Variants in CALD1 observed in about 807,000 individuals in gnomAD.
CALD1 encodes caldesmon 1.
Under a neutral mutation model 99.9 loss-of-function variants are expected in CALD1, and 33 were observed. The ratio of observed to expected loss-of-function variants is 0.33; its 90% confidence interval spans 0.25 to 0.44. The LOEUF (loss-of-function observed/expected upper bound fraction) is 0.44. CALD1 is among the 20% of genes least tolerant of loss of function. The pLI, the probability that CALD1 is intolerant of heterozygous loss-of-function variation, is 1.00. For missense variants in CALD1, 861 were observed against 962.1 expected (o/e 0.89, Z 1.39); for synonymous variants, 310 against 325.0 (o/e 0.95, Z 0.50).
At chr7:134,954,775 C>G (rs1397935421) in intron 9 of CALD1, among the ~76,000 whole-genome samples, 1 of 152,148 alleles carries the variant, frequency 6.6e-6, no homozygotes, top group African/African-American at 2.4e-5. Flanking sequence ...TTCTTTATCC[C>G]CAGTCTCACC....
rs1807240133 is a variant in CALD1 at position 134,950,361 on chromosome 7, CTT to C, written c.1795-11_1795-10del. 1 of 1,613,520 alleles carries C rather than the reference CTT, an allele frequency of 6.2e-7. No homozygotes were observed. The highest frequency in any genetic ancestry group is 8.5e-7 in the Non-Finnish European group (1 of 1,179,690). Reference sequence around the variant, plus strand: ...TGGTACTGATGCCTCGTTATTTGTTCTTTCTCTCTTAGGAAGAGAAGAGGAGG... The same window carrying C: ...TGGTACTGATGCCTCGTTATTTGTTCTCTCTCTTAGGAAGAGAAGAGGAGG... On this transcript the variant is annotated splice_polypyrimidine_tract_variant and intron_variant, in intron 8 of 14. Transcript: ENST00000361675.
rs78806341 is a variant in CALD1 at position 134,884,580 on chromosome 7, C to A, written c.71+16776C>A. Among the ~76,000 whole-genome samples, 42 of 150,588 alleles carry A rather than the reference C, an allele frequency of 2.8e-4. No homozygotes were observed. In the East Asian group the frequency reaches 8.2e-3, roughly 29 times the overall value. On this transcript the variant is annotated intron_variant, in intron 3 of 14. Coordinates refer to ENST00000361675, the MANE Select transcript of CALD1 (RefSeq NM_033138.4). ...GTTCATCAATCTTCCTGATACCTGTCGATTCTGGACCTCCCAAGATCCAAT... is the reference window on the plus strand; with the variant it reads ...GTTCATCAATCTTCCTGATACCTGTAGATTCTGGACCTCCCAAGATCCAAT...
In CALD1 at chr7:134,867,651, A is replaced by G. The variant is rs1800861923; in HGVS notation, c.-41-42A>G. On this transcript the variant is annotated intron_variant, in intron 2 of 14. Transcript: ENST00000361675. ...CATAGTAACTCAGGAGAAGTAACAC[A>G]CTGAGTTATCAATGATATTGACTCT... 7.0e-6 allele frequency: 5 copies of G among 714,236 alleles called. No individual in the cohort carries two copies. In the Admixed American group the frequency reaches 8.3e-5, roughly 12 times the overall value. 44.2% of individuals were successfully genotyped at this position (714,236 alleles called of 1,614,324 possible). A position where few individuals can be genotyped will look rare whatever the true frequency, so the allele number is the denominator to read the frequency against.
intron 6 of CALD1, among the ~76,000 whole-genome samples, chr7:134,937,584 C>T (rs778023037): frequency 1.3e-5 from 2 of 149,910 alleles, no homozygotes; most frequent in Non-Finnish European, 3.0e-5. Flanking sequence ...ATCATGTTTA[C>T]ATGATTCAGC....
At chr7:134,841,517 T>G (rs1241869065) in intron 1 of CALD1, among the ~76,000 whole-genome samples, 2 of 152,218 alleles carry the variant, frequency 1.3e-5, no homozygotes, top group African/African-American at 2.4e-5. Context: ...TGTCTGTTAT[T>G]AAGAAATGAT....
intron 1 of CALD1, among the ~76,000 whole-genome samples, chr7:134,792,337 T>C (rs1797571890): frequency 1.3e-5 from 2 of 149,790 alleles, no homozygotes; most frequent in Non-Finnish European, 3.0e-5. Context: ...TTGCCCAGGC[T>C]GGAGAGCAGT....
chr7:134,832,417 A>C lies in CALD1; in HGVS notation c.-129-11467A>C, dbSNP rs80264060. Among the ~76,000 whole-genome samples the C allele has an allele frequency of 1.3e-5, 2 of 152,202 alleles. 1 individual carries two copies. Among genetic ancestry groups the C allele is most frequent in the East Asian group, 3.9e-4 (2 of 5,194 alleles). On this transcript the variant is annotated intron_variant, in intron 1 of 14. Transcript: ENST00000361675. ...CTGCTCATGACTGACTACCTGTAACAATTTGGGACCTTTTTCAGTAGAGTG... is the reference window on the plus strand; with the variant it reads ...CTGCTCATGACTGACTACCTGTAACCATTTGGGACCTTTTTCAGTAGAGTG...
chr7:134,894,417 T>A (rs1172060711), intron 3 of CALD1, among the ~76,000 whole-genome samples: 1 of 152,260 alleles, frequency 6.6e-6, no homozygotes, highest in Non-Finnish European at 1.5e-5. Flanking sequence ...GAAATATTCT[T>A]TAAGTTTCCT....
In CALD1 at chr7:134,783,991, C is replaced by T. The variant is rs181179258; in HGVS notation, c.-130+4242C>T. On this transcript the variant is annotated intron_variant, in intron 1 of 14. Transcript: ENST00000361675. The surrounding 1 kb of genome is among the most constrained non-coding windows in gnomAD (Gnocchi z 4.3). ...CCAGGAATGGCTGCTATTAAGTGTA[C>T]GTAAAAAGAACACCCAGAAGTTAAT... Among the ~76,000 whole-genome samples the T allele has an allele frequency of 5.5e-4, 84 of 152,088 alleles. No individual in the cohort carries two copies. Among genetic ancestry groups the T allele is most frequent in the African/African-American group, 1.4e-3 (57 of 41,492 alleles).
the CALD1 span, among the ~76,000 whole-genome samples, chr7:134,711,660 C>CTCTCTCTCTCTCTCTATA: frequency 5.1e-5 from 4 of 78,348 alleles, no homozygotes; most frequent in African/African-American, 1.8e-4. Context: ...CTCTCTCTCT[C>CTCTCTCTCTCTCTCTATA]TATATATATA....
intron 7 of CALD1, among the ~76,000 whole-genome samples, chr7:134,942,272 G>A (rs1806508966): frequency 6.6e-6 from 1 of 152,232 alleles, no homozygotes; most frequent in Admixed American, 6.5e-5. Flanking sequence ...AATCTGACAT[G>A]CTCCTCACAC....
intron 3 of CALD1, among the ~76,000 whole-genome samples, chr7:134,888,508 C>T (rs1332598516): frequency 6.6e-6 from 1 of 152,190 alleles, no homozygotes; most frequent in Admixed American, 6.5e-5. Context: ...GCCTCTCCAG[C>T]CCCAGGCACC....
At chr7:134,735,665 C>G in the CALD1 span, among the ~76,000 whole-genome samples, 1 of 151,554 alleles carries the variant, frequency 6.6e-6, no homozygotes, top group African/African-American at 2.4e-5. Flanking sequence ...TTATTCCAAG[C>G]ACTATGAGGT....
At chr7:134,826,431 CT>C (rs1461616206) in intron 1 of CALD1, among the ~76,000 whole-genome samples, 1 of 152,140 alleles carries the variant, frequency 6.6e-6, no homozygotes, top group Non-Finnish European at 1.5e-5. Flanking sequence ...CTCCTAAGTA[CT>C]CCAGCCCACC....
intron 3 of CALD1, among the ~76,000 whole-genome samples, chr7:134,909,708 C>T (rs946301643): frequency 3.3e-5 from 5 of 151,982 alleles, no homozygotes; most frequent in African/African-American, 9.7e-5. Context: ...AAAGGAACTT[C>T]GTTTGGAAGT....
intron 13 of CALD1, chr7:134,961,109 T>G (rs1808229432): frequency 6.6e-6 from 1 of 152,426 alleles, no homozygotes. Context: ...ATTGGGTAGC[T>G]GTTGAAATAA....
At chr7:134,722,246 C>T in the CALD1 span, among the ~76,000 whole-genome samples, 10 of 152,250 alleles carry the variant, frequency 6.6e-5, no homozygotes, top group East Asian at 1.2e-3. Context: ...TCCTTTCCTC[C>T]GGCCAAGTTT....
In CALD1 at chr7:134,969,896, A is replaced by G. The variant is rs1808928877; in HGVS notation, c.*1551A>G. 6.6e-6 allele frequency: 1 copy of G among 152,620 alleles called. No homozygotes were observed. The highest frequency in any genetic ancestry group is 2.4e-5 in the African/African-American group (1 of 41,444). 9.5% of individuals were successfully genotyped at this position (152,620 alleles called of 1,614,324 possible). A position where few individuals can be genotyped will look rare whatever the true frequency, so the allele number is the denominator to read the frequency against. ...GTTCTATAAACTCATACCTCAGTGGACTTAACCAAAATTGTGTTAGTCTCA... is the reference window on the plus strand; with the variant it reads ...GTTCTATAAACTCATACCTCAGTGGGCTTAACCAAAATTGTGTTAGTCTCA... On this transcript the variant is annotated 3_prime_UTR_variant, in exon 15 of 15. Coordinates refer to ENST00000361675, the MANE Select transcript of CALD1 (RefSeq NM_033138.4).
chr7:134,936,117 A>G (rs566054806), intron 6 of CALD1, among the ~76,000 whole-genome samples: 1 of 152,172 alleles, frequency 6.6e-6, no homozygotes, highest in Admixed American at 6.5e-5. Flanking sequence ...CTGAATGCTA[A>G]TTTTTTTTCC....
Sources: gnomAD v4.1 joint callset for allele counts (sites outside exome capture counted in the v4.1 genomes callset) on GRCh38, gnomAD v4.1.1 for gene constraint, Gnocchi (gnomAD v3.1) non-coding constraint, MANE v1.5 for transcripts, NCBI Gene and HGNC (gene_info 2026-07-23, HGNC 2026-07-21) for gene names.